HS6ST3: variants seen among roughly 807,000 people sequenced by gnomAD.
HS6ST3 encodes heparan-sulfate 6-O-sulfotransferase 3.
In HS6ST3, 12 loss-of-function variants were observed where a neutral mutation model predicts 36.7. That is an observed-to-expected ratio of 0.33 (90% confidence interval 0.21 to 0.53). The LOEUF (loss-of-function observed/expected upper bound fraction) is 0.53. Among genes scored for constraint, HS6ST3 ranks in the 20% least tolerant of loss-of-function variants. HS6ST3 has a pLI of 0.95. For missense variants in HS6ST3, 584 were observed against 640.9 expected (o/e 0.91, Z 0.96); for synonymous variants, 240 against 257.5 (o/e 0.93, Z 0.65).
chr13:96,716,822 G>T (rs1282466512), intron 1 of HS6ST3, among the ~76,000 whole-genome samples: 2 of 152,138 alleles, frequency 1.3e-5, no homozygotes, highest in Non-Finnish European at 2.9e-5. Context: ...ACCGTAAAGT[G>T]AAAAAGAAAA....
At chr13:96,407,727 G>A (rs967568529) in intron 1 of HS6ST3, among the ~76,000 whole-genome samples, 2 of 151,972 alleles carry the variant, frequency 1.3e-5, no homozygotes, top group Admixed American at 6.6e-5. Context: ...TTATAGATGG[G>A]GAAGTAACAC....
intron 1 of HS6ST3, among the ~76,000 whole-genome samples, chr13:96,472,393 A>C (rs2055843993): frequency 6.6e-6 from 1 of 152,112 alleles, no homozygotes; most frequent in Non-Finnish European, 1.5e-5. Context: ...ATCTCTGTTG[A>C]GCATAGCATA....
At chr13:96,390,974 A>G (rs532465878) in intron 1 of HS6ST3, among the ~76,000 whole-genome samples, 6 of 152,270 alleles carry the variant, frequency 3.9e-5, no homozygotes, top group African/African-American at 1.2e-4. Context: ...TTGCAGCCAC[A>G]TATAATGTTT....
intron 1 of HS6ST3, among the ~76,000 whole-genome samples, chr13:96,601,780 A>AT (rs1317126001): frequency 6.6e-6 from 1 of 152,050 alleles, no homozygotes; most frequent in Non-Finnish European, 1.5e-5. Flanking sequence ...ATTCAACTGG[A>AT]TTTTTTAAAA....
chr13:96,290,070 C>T (rs554731724), intron 1 of HS6ST3, among the ~76,000 whole-genome samples: 1 of 152,168 alleles, frequency 6.6e-6, no homozygotes, highest in South Asian at 2.1e-4. Flanking sequence ...CTAGCTAGCC[C>T]CCCTCTGTAT....
intron 1 of HS6ST3, among the ~76,000 whole-genome samples, chr13:96,247,568 G>A (rs2139375739): frequency 6.6e-6 from 1 of 152,178 alleles, no homozygotes; most frequent in Admixed American, 6.5e-5. Flanking sequence ...GCCTCCCTCA[G>A]CCATGTGGAA....
intron 1 of HS6ST3, among the ~76,000 whole-genome samples, chr13:96,703,851 C>T (rs780887745): frequency 2.0e-5 from 3 of 152,092 alleles, no homozygotes; most frequent in Non-Finnish European, 4.4e-5. Context: ...GCAGTTTTCC[C>T]CATGCTGTTC....
chr13:96,258,101 C>T (rs1396266545), intron 1 of HS6ST3, among the ~76,000 whole-genome samples: 2 of 152,102 alleles, frequency 1.3e-5, no homozygotes, highest in Admixed American at 6.6e-5. Context: ...TCCAGTGGTC[C>T]AGCCTCAGGA....
chr13:96,374,626 A>C (rs2055305844), intron 1 of HS6ST3, among the ~76,000 whole-genome samples: 1 of 152,060 alleles, frequency 6.6e-6, no homozygotes, highest in African/African-American at 2.4e-5. Context: ...TAGTCATTAG[A>C]TGTTTGCCAT....
intron 1 of HS6ST3, among the ~76,000 whole-genome samples, chr13:96,440,847 T>C (rs918327011): frequency 1.3e-5 from 2 of 152,320 alleles, no homozygotes. Context: ...TTAATCCCTT[T>C]ACCCCCTACC....
At chr13:96,256,666 A>G (rs1214005407) in intron 1 of HS6ST3, among the ~76,000 whole-genome samples, 1 of 152,178 alleles carries the variant, frequency 6.6e-6, no homozygotes, top group Non-Finnish European at 1.5e-5. Flanking sequence ...GATTAGAATG[A>G]TTTAGTAGTA....
intron 1 of HS6ST3, among the ~76,000 whole-genome samples, chr13:96,215,016 G>A (rs1047725464): frequency 6.6e-6 from 1 of 151,998 alleles, no homozygotes; most frequent in Non-Finnish European, 1.5e-5. Flanking sequence ...CTTCCTCCCC[G>A]CTGAGACCCA....
intron 1 of HS6ST3, among the ~76,000 whole-genome samples, chr13:96,443,504 T>C (rs886338764): frequency 8.8e-6 from 1 of 113,622 alleles, no homozygotes; most frequent in African/African-American, 3.5e-5. Context: ...CACTCCAGCC[T>C]GGGGGACAGA....
At position 96,710,802 on chromosome 13, in the gene HS6ST3, T is replaced by C. The variant is rs569655371; in HGVS notation, c.708-121688T>C. Among the ~76,000 whole-genome samples, 7 of 152,326 alleles carry C rather than the reference T, an allele frequency of 4.6e-5. 1 individual carries two copies. The South Asian group carries it at 1.4e-3, about 32-fold the overall frequency. On this transcript the variant is annotated intron_variant, in intron 1 of 1. Transcript: ENST00000376705. ...CTCTTGGCCTGGTGACCAGGAAGTT[T>C]CTGTGAGCAGAGAGGTGAGGATTCT...
At chr13:96,745,029 C>T (rs1417523826) in intron 1 of HS6ST3, among the ~76,000 whole-genome samples, 1 of 151,990 alleles carries the variant, frequency 6.6e-6, no homozygotes, top group Non-Finnish European at 1.5e-5. Context: ...CAACTACTAA[C>T]CCAACATTTC....
intron 1 of HS6ST3, among the ~76,000 whole-genome samples, chr13:96,730,937 G>C (rs1876135455): frequency 1.3e-5 from 2 of 152,036 alleles, no homozygotes; most frequent in African/African-American, 4.8e-5. Context: ...ACACTGTGTT[G>C]CCCAAGCTGG....
At chr13:96,423,637 G>A (rs1046581882) in intron 1 of HS6ST3, among the ~76,000 whole-genome samples, 2 of 151,790 alleles carry the variant, frequency 1.3e-5, no homozygotes, top group South Asian at 2.1e-4. Context: ...TCTGTGGAAG[G>A]AGCCCGCCCC....
intron 1 of HS6ST3, among the ~76,000 whole-genome samples, chr13:96,744,015 G>A (rs1415660369): frequency 6.6e-6 from 1 of 151,626 alleles, no homozygotes; most frequent in Non-Finnish European, 1.5e-5. Flanking sequence ...ACCTATGCAT[G>A]TGATTTTTTT....
chr13:96,775,744 A>T (rs1452613500), intron 1 of HS6ST3, among the ~76,000 whole-genome samples: 1 of 152,170 alleles, frequency 6.6e-6, no homozygotes. Context: ...ATAGTGGGAG[A>T]ACTTAACACC....
Sources: allele counts gnomAD v4.1 joint callset (sites outside exome capture counted in the v4.1 genomes callset), GRCh38; gene constraint gnomAD v4.1.1; transcripts MANE v1.5; gene names NCBI Gene and HGNC (gene_info 2026-07-23, HGNC 2026-07-21).